The following SCNN1G variants were observed in gnomAD, a reference collection of about 807,000 sequenced individuals.
SCNN1G encodes epithelial sodium channel subunit gamma.
SCNN1G carries 27 observed loss-of-function variants against 64.6 expected under a neutral mutation model. The observed-to-expected ratio is 0.42, with a 90% CI of 0.31 to 0.58. SCNN1G has a LOEUF of 0.58. Ranked by LOEUF, SCNN1G falls within the 20% of genes least tolerant of loss-of-function variation. The pLI, the probability that SCNN1G is intolerant of heterozygous loss-of-function variation, is 0.18. For missense variants in SCNN1G, 743 were observed against 823.4 expected (o/e 0.90, Z 1.19); for synonymous variants, 330 against 314.2 (o/e 1.05, Z -0.53).
intron 4 of SCNN1G, among the ~76,000 whole-genome samples, chr16:23,193,186 C>G (rs1297809000): frequency 6.6e-6 from 1 of 150,888 alleles, no homozygotes; most frequent in Non-Finnish European, 1.5e-5. Context: ...ATATTACCAT[C>G]ATGCATACTG....
rs763510122 is a variant in SCNN1G at position 23,189,484 on chromosome 16, A to G, written c.431A>G (p.Asn144Ser). 1 of 1,614,064 alleles carries G rather than the reference A, an allele frequency of 6.2e-7. No homozygotes were observed. The highest frequency in any genetic ancestry group is 2.2e-5 in the East Asian group (1 of 44,860). Residue 144 changes from asparagine to serine, a missense_variant, in exon 3 of 13, where the codon AAC becomes AGC. Asn to Ser is a conservative substitution (Grantham distance 46). Transcript: ENST00000300061. ...AAGCGCCGAGAGGCGGAGTCCTGGA[A>G]CTCCGTCTCAGAGGGAAAGCAGCCT... The part of the protein sequence containing the change: ...SRKRREAESW[N>S]SVSEGKQPRF...
rs1308611889 is a variant in SCNN1G at position 23,182,807 on chromosome 16, C to T, written c.-51C>T. 6.6e-6 allele frequency: 1 copy of T among 152,340 alleles called. No homozygotes were observed. The highest frequency in any genetic ancestry group is 1.5e-5 in the Non-Finnish European group (1 of 68,132). 9.4% of individuals were successfully genotyped at this position (152,340 alleles called of 1,614,324 possible). ...CGCACGAGCCTTGGACCCTTTGGAACCGAAAGGTGAGTTCAGCCGGGTTGG... is the reference window on the plus strand; with the variant it reads ...CGCACGAGCCTTGGACCCTTTGGAATCGAAAGGTGAGTTCAGCCGGGTTGG... On this transcript the variant is annotated 5_prime_UTR_variant, in exon 1 of 13. Transcript: ENST00000300061.
At chr16:23,197,195 G>C in intron 5 of SCNN1G, 69 bp from the exon 6 acceptor site, 2 of 1,313,852 alleles carry the variant, frequency 1.5e-6, no homozygotes, top group Middle Eastern at 2.6e-4. Flanking sequence ...GAAGCAGTGG[G>C]AGAGGTGGTT....
chr16:23,205,256 A>G (rs565285669), intron 6 of SCNN1G, among the ~76,000 whole-genome samples: 1 of 152,252 alleles, frequency 6.6e-6, no homozygotes, highest in East Asian at 1.9e-4. Flanking sequence ...GGGGTGAATG[A>G]CCATTGACCA....
intron 1 of SCNN1G, among the ~76,000 whole-genome samples, chr16:23,184,532 T>C (rs1959574089): frequency 6.6e-6 from 1 of 152,176 alleles, no homozygotes. Flanking sequence ...CAGAGGCTAC[T>C]AGCATCATTT....
intron 6 of SCNN1G, among the ~76,000 whole-genome samples, chr16:23,208,950 A>T (rs894691872): frequency 6.6e-6 from 1 of 152,004 alleles, no homozygotes; most frequent in Non-Finnish European, 1.5e-5. Context: ...GGATTTGCCA[A>T]CTGCAAATTC....
At chr16:23,184,992 A>G (rs1202926000) in intron 1 of SCNN1G, among the ~76,000 whole-genome samples, 2 of 152,222 alleles carry the variant, frequency 1.3e-5, no homozygotes, top group Admixed American at 6.5e-5. Context: ...GAGTTTGGAA[A>G]TTAAATAGCT....
intron 6 of SCNN1G, among the ~76,000 whole-genome samples, chr16:23,202,080 G>A (rs1363406090): frequency 6.6e-6 from 1 of 152,166 alleles, no homozygotes; most frequent in Non-Finnish European, 1.5e-5. Flanking sequence ...GCTTCCCAAA[G>A]TGCTGGGATT....
At chr16:23,201,520 G>GAAC in intron 6 of SCNN1G, among the ~76,000 whole-genome samples, 1 of 108,442 alleles carries the variant, frequency 9.2e-6, no homozygotes, top group East Asian at 4.1e-4. Context: ...TGAGCATTTA[G>GAAC]AACAACAACA....
chr16:23,201,455 A>T (rs925591092), intron 6 of SCNN1G, among the ~76,000 whole-genome samples: 2 of 152,132 alleles, frequency 1.3e-5, no homozygotes, highest in Non-Finnish European at 2.9e-5. Flanking sequence ...ACCTAATTTA[A>T]GATGTAGAAA....
At position 23,192,434 on chromosome 16, in the gene SCNN1G, A is replaced by G. The variant is rs772696406; in HGVS notation, c.701A>G (p.Tyr234Cys). 1.2e-6 allele frequency: 2 copies of G among 1,613,768 alleles called. No individual in the cohort carries two copies. The highest frequency in any genetic ancestry group is 2.7e-5 in the African/African-American group (2 of 74,934). ...NAIQEWYKLH[Y>C]MNIMAQVPLE... ...ATTCAGGAGTGGTATAAGCTACACT[A>G]CATGAACATCATGGCACAGGTGCCT... Residue 234 changes from tyrosine (Y) to cysteine (C), a missense_variant, in exon 4 of 13, where the codon TAC becomes TGC. Physicochemically the swap from Tyr to Cys is radical, Grantham distance 194. Coordinates refer to ENST00000300061, the MANE Select transcript of SCNN1G (RefSeq NM_001039.4).
chr16:23,197,593 G>A (rs1241531008), intron 6 of SCNN1G, among the ~76,000 whole-genome samples, 166 bp downstream of exon 6: 1 of 152,122 alleles, frequency 6.6e-6, no homozygotes, highest in Non-Finnish European at 1.5e-5. Flanking sequence ...TACATTAAAG[G>A]TTGTGTTTGT....
intron 6 of SCNN1G, among the ~76,000 whole-genome samples, chr16:23,202,736 T>C (rs1218810819): frequency 6.6e-6 from 1 of 152,136 alleles, no homozygotes; most frequent in Non-Finnish European, 1.5e-5. Flanking sequence ...TGACAGCCAA[T>C]GTTAGCCAGA....
rs774757349 is a variant in SCNN1G, at chr16:23,194,153, CA to C, written c.810-17del. 1 of 1,570,404 alleles carries C rather than the reference CA, an allele frequency of 6.4e-7. No homozygotes were observed. Among genetic ancestry groups the C allele is most frequent in the South Asian group, 1.1e-5 (1 of 90,214 alleles). On this transcript the variant is annotated splice_polypyrimidine_tract_variant and intron_variant, in intron 4 of 12. Coordinates refer to ENST00000300061, the MANE Select transcript of SCNN1G (RefSeq NM_001039.4). ...GCATGGGGGAGATCCCTTTCTGACCCATTTTCTTCCTCCATAGGAATTTCAC... is the reference window on the plus strand; with the variant it reads ...GCATGGGGGAGATCCCTTTCTGACCCTTTTCTTCCTCCATAGGAATTTCAC...
chr16:23,204,328 TATATATAGAGAGAGAGAGAG>T (rs1959951426), intron 6 of SCNN1G, among the ~76,000 whole-genome samples: 1 of 45,022 alleles, frequency 2.2e-5, no homozygotes, highest in Admixed American at 2.9e-4. Context: ...TATATATATA[TATATATAGAGAGAGAGAGAG>T]AGAGAGAGAG....
At chr16:23,189,075 C>T (rs1333152822) in intron 2 of SCNN1G, among the ~76,000 whole-genome samples, 1 of 152,106 alleles carries the variant, frequency 6.6e-6, no homozygotes, top group Non-Finnish European at 1.5e-5. Context: ...GTCACCACTA[C>T]AGAAATGCTG....
Position 23,184,322 on chromosome 16 carries a change from A to G in SCNN1G, c.-45+1509A>G, listed in dbSNP as rs1009278950. 2.0e-5 allele frequency among the ~76,000 whole-genome samples: 3 copies of G among 152,148 alleles called. No individual in the cohort carries two copies. The East Asian group carries it at 5.8e-4, about 29-fold the overall frequency. On this transcript the variant is annotated intron_variant, in intron 1 of 12. Transcript: ENST00000300061. ...CTTCCAGAATCACAGCTTCTGTTGA[A>G]CATTCACAGAGGAGGGCTGCAGTTT...
intron 1 of SCNN1G, among the ~76,000 whole-genome samples, chr16:23,185,265 G>C (rs1219869194): frequency 1.3e-5 from 2 of 152,134 alleles, no homozygotes; most frequent in African/African-American, 4.8e-5. Context: ...AATATATGTA[G>C]GCTATGTGTA....
chr16:23,216,535 G>A lies in SCNN1G; in HGVS notation c.*1066G>A, dbSNP rs1960161343. On this transcript the variant is annotated 3_prime_UTR_variant, in exon 13 of 13. Transcript: ENST00000300061. The stretch of plus-strand genomic sequence containing the variant: ...ACCCAAGAACAGGGTGTTAGGTACT[G>A]TTTTAAGCACCTAGATAGGTTAGCA... The A allele has an allele frequency of 6.6e-6, 1 of 152,226 alleles. No homozygotes were observed. The highest frequency in any genetic ancestry group is 2.4e-5 in the African/African-American group (1 of 41,456). 9.4% of individuals were successfully genotyped at this position (152,226 alleles called of 1,614,324 possible). A position where few individuals can be genotyped will look rare whatever the true frequency, so the allele number is the denominator to read the frequency against.
Sources: allele counts gnomAD v4.1 joint callset (sites outside exome capture counted in the v4.1 genomes callset), GRCh38; gene constraint gnomAD v4.1.1; transcripts MANE v1.5; gene names NCBI Gene and HGNC (gene_info 2026-07-23, HGNC 2026-07-21).